Variants in FRS2 observed in about 807,000 individuals in gnomAD.
FRS2 encodes fibroblast growth factor receptor substrate 2, also known as FGFR signalling adaptor.
In FRS2, 8 loss-of-function variants were observed where a neutral mutation model predicts 43.9. The ratio of observed to expected loss-of-function variants is 0.18; its 90% CI spans 0.11 to 0.33. The LOEUF is 0.33. Among genes scored for constraint, FRS2 ranks in the 10% least tolerant of loss-of-function variants. FRS2 has a pLI of 1.00. For missense variants in FRS2, 534 were observed against 627.6 expected (o/e 0.85, Z 1.59); for synonymous variants, 219 against 220.3 (o/e 0.99, Z 0.05).
intron 1 of FRS2, among the ~76,000 whole-genome samples, chr12:69,480,717 T>G (rs1871278958): frequency 6.6e-6 from 1 of 152,236 alleles, no homozygotes; most frequent in African/African-American, 2.4e-5. Flanking sequence ...ATCCTTTTTT[T>G]GGGTAGTCTT....
In FRS2 at chr12:69,532,051, C is replaced by T. The variant is rs1194968743; in HGVS notation, c.-127C>T. 2 of 152,466 alleles carry T rather than the reference C, an allele frequency of 1.3e-5. No individual in the cohort carries two copies. The highest frequency in any genetic ancestry group is 2.9e-5 in the Non-Finnish European group (2 of 68,008). 9.4% of individuals were successfully genotyped at this position (152,466 alleles called of 1,614,324 possible). A position where few individuals can be genotyped will look rare whatever the true frequency, so the allele number is the denominator to read the frequency against. ...ATCTGTTTTTCTCAGAAGAGAATTC[C>T]ACAAGGTAAGAAATTGTAAATATAG... On this transcript the variant is annotated 5_prime_UTR_variant, in exon 3 of 9. Coordinates refer to ENST00000549921, the MANE Select transcript of FRS2 (RefSeq NM_001278356.2).
At chr12:69,559,868 A>G (rs773834142) in intron 3 of FRS2, among the ~76,000 whole-genome samples, 1 of 151,940 alleles carries the variant, frequency 6.6e-6, no homozygotes. Flanking sequence ...ATAATAAAAC[A>G]TGGCAGTTTT....
intron 1 of FRS2, among the ~76,000 whole-genome samples, chr12:69,517,180 T>A (rs989050925): frequency 1.3e-5 from 2 of 152,220 alleles, no homozygotes; most frequent in African/African-American, 4.8e-5. Flanking sequence ...CACCACAGAT[T>A]GTCCACGTGG....
In FRS2 at chr12:69,578,572, A is replaced by G. The variant is rs934586867; in HGVS notation, c.*3617A>G. 2 of 152,604 alleles carry G rather than the reference A, an allele frequency of 1.3e-5. No individual in the cohort carries two copies. Among genetic ancestry groups the G allele is most frequent in the Admixed American group, 6.5e-5 (1 of 15,276 alleles). The allele number at this position is 152,604 out of a possible 1,614,324, so 9.5% of individuals were successfully genotyped here. On this transcript the variant is annotated 3_prime_UTR_variant, in exon 9 of 9. Transcript: ENST00000549921. The stretch of plus-strand genomic sequence containing the variant: ...AATTGCAGTTCTATGGCAATTGGAC[A>G]GTTATAGCATGGAAACAGACTGGTA...
chr12:69,515,601 A>G (rs1484802965), intron 1 of FRS2, among the ~76,000 whole-genome samples: 3 of 152,020 alleles, frequency 2.0e-5, no homozygotes, highest in Non-Finnish European at 2.9e-5. Context: ...ACATACACAT[A>G]CTCACACCCA....
chr12:69,537,760 C>T (rs192692233), intron 3 of FRS2, among the ~76,000 whole-genome samples: 6 of 152,200 alleles, frequency 3.9e-5, no homozygotes, highest in African/African-American at 1.4e-4. Context: ...GTGGAAAATT[C>T]TTAACCATTA....
chr12:69,552,994 CAAAT>C (rs1428122979), intron 3 of FRS2, among the ~76,000 whole-genome samples: 1 of 151,950 alleles, frequency 6.6e-6, no homozygotes, highest in Non-Finnish European at 1.5e-5. Context: ...GACCCATAAA[CAAAT>C]AATTAAAAAT....
chr12:69,483,866 G>T (rs944643543), intron 1 of FRS2, among the ~76,000 whole-genome samples: 4 of 152,126 alleles, frequency 2.6e-5, no homozygotes, highest in Admixed American at 1.3e-4. Flanking sequence ...TTCTCAAAAG[G>T]ATAGTATTAC....
At chr12:69,479,390 C>CTTTTTTTTTTTTTT (rs57688271) in intron 1 of FRS2, among the ~76,000 whole-genome samples, 25 of 119,656 alleles carry the variant, frequency 2.1e-4, no homozygotes, top group African/African-American at 2.3e-4. Flanking sequence ...TCTGTTGTTT[C>CTTTTTTTTTTTTTT]TTTTTTTTTT....
At chr12:69,524,213 CAGT>C (rs1875973220) in intron 1 of FRS2, among the ~76,000 whole-genome samples, 1 of 151,934 alleles carries the variant, frequency 6.6e-6, no homozygotes, top group Non-Finnish European at 1.5e-5. Flanking sequence ...GCTCCTATGA[CAGT>C]GGTGGTATGG....
intron 1 of FRS2, among the ~76,000 whole-genome samples, chr12:69,518,192 A>G (rs753740602): frequency 6.6e-5 from 10 of 152,222 alleles, no homozygotes; most frequent in Non-Finnish European, 1.5e-4. Flanking sequence ...TGAAACATGA[A>G]TTCTACTTCT....
In FRS2 at chr12:69,578,016, A is replaced by G. The variant is rs1881304537; in HGVS notation, c.*3061A>G. 6.6e-6 allele frequency: 1 copy of G among 152,632 alleles called. No individual in the cohort carries two copies. The highest frequency in any genetic ancestry group is 6.5e-5 in the Admixed American group (1 of 15,270). The allele number at this position is 152,632 out of a possible 1,614,324, so 9.5% of individuals were successfully genotyped here. On this transcript the variant is annotated 3_prime_UTR_variant, in exon 9 of 9. Coordinates refer to ENST00000549921, the MANE Select transcript of FRS2 (RefSeq NM_001278356.2). ...CCTCCCCAAAACTGTGGCACAGCAT[A>G]TAAAAATGTACCTCAATAATGTTCT...
At chr12:69,516,459 C>A (rs1875051436) in intron 1 of FRS2, among the ~76,000 whole-genome samples, 1 of 151,944 alleles carries the variant, frequency 6.6e-6, no homozygotes, top group African/African-American at 2.4e-5. Context: ...CTCAGGTGAT[C>A]CACCCACCTC....
chr12:69,493,422 G>A (rs757456421), intron 1 of FRS2, among the ~76,000 whole-genome samples: 2 of 152,162 alleles, frequency 1.3e-5, no homozygotes, highest in Non-Finnish European at 2.9e-5. Flanking sequence ...GCCGTCATCT[G>A]AATTAAGAAA....
At chr12:69,495,606 C>T (rs894670424) in intron 1 of FRS2, among the ~76,000 whole-genome samples, 1 of 152,086 alleles carries the variant, frequency 6.6e-6, no homozygotes, top group African/African-American at 2.4e-5. Context: ...TAATAAAAAT[C>T]TAAATTTTAG....
intron 3 of FRS2, among the ~76,000 whole-genome samples, chr12:69,544,873 A>G (rs1319403768): frequency 1.3e-5 from 2 of 152,170 alleles, no homozygotes; most frequent in African/African-American, 4.8e-5. Flanking sequence ...AATTCTATTA[A>G]ATATCATACT....
chr12:69,558,314 T>C (rs962662603), intron 3 of FRS2, among the ~76,000 whole-genome samples: 6 of 152,222 alleles, frequency 3.9e-5, no homozygotes, highest in Non-Finnish European at 5.9e-5. Flanking sequence ...TAAATTCTTC[T>C]TGTATGTAAT....
rs1449323007 is a variant in FRS2, at chr12:69,574,297, A to G, written c.869A>G (p.Tyr290Cys). The change falls in exon 9 of 9, where the codon TAT (tyrosine) becomes TGT (cysteine). Residue 290 changes from tyrosine (Y) to cysteine (C), a missense_variant. Tyr to Cys is a radical substitution (Grantham distance 194). Coordinates refer to ENST00000549921, the MANE Select transcript of FRS2 (RefSeq NM_001278356.2). ...AATAACACAGAATGGGACACTGGCT[A>G]TGACAGTGATGAACGAAGAGATGCA... ...GANNTEWDTGYDSDERRDAPS... is the reference protein window; with the variant it reads ...GANNTEWDTGCDSDERRDAPS... 1.3e-5 allele frequency: 21 copies of G among 1,614,042 alleles called. No individual in the cohort carries two copies. The highest frequency in any genetic ancestry group is 1.7e-5 in the Non-Finnish European group (20 of 1,179,850).
intron 1 of FRS2, among the ~76,000 whole-genome samples, chr12:69,497,573 C>T (rs539443502): frequency 6.6e-6 from 1 of 152,258 alleles, no homozygotes; most frequent in East Asian, 1.9e-4. Flanking sequence ...CGCTTAATAC[C>T]GTTGTTTTGG....
Sources: allele counts gnomAD v4.1 joint callset (sites outside exome capture counted in the v4.1 genomes callset), GRCh38; gene constraint gnomAD v4.1.1; transcripts MANE v1.5; gene names NCBI Gene and HGNC (gene_info 2026-07-23, HGNC 2026-07-21).